The following EXOC6B variants were observed in gnomAD, a reference collection of about 807,000 sequenced individuals.
EXOC6B encodes the protein SEC15 homolog B.
EXOC6B carries 54 observed loss-of-function variants against 113.5 expected under a neutral mutation model. That is an observed-to-expected ratio of 0.48 (90% CI 0.38 to 0.60). The LOEUF (loss-of-function observed/expected upper bound fraction) is 0.60. Among genes scored for constraint, EXOC6B ranks in the 20% least tolerant of loss-of-function variants. EXOC6B has a pLI of 0.00. For synonymous variants in EXOC6B, 357 were observed against 339.0 expected, an observed-to-expected ratio of 1.05 and a Z score of -0.58; for missense variants, 797 against 977.5, an observed-to-expected ratio of 0.82 and a Z score of 2.46.
At chr2:72,641,191 G>T (rs1438920421) in intron 6 of EXOC6B, among the ~76,000 whole-genome samples, 1 of 152,210 alleles carries the variant, frequency 6.6e-6, no homozygotes, top group Non-Finnish European at 1.5e-5. Flanking sequence ...TGAGGTACCT[G>T]GTTCATCTAA....
chr2:72,183,384 C>T (rs184955119), intron 21 of EXOC6B, among the ~76,000 whole-genome samples: 1 of 152,332 alleles, frequency 6.6e-6, no homozygotes, highest in African/African-American at 2.4e-5. Flanking sequence ...TTCCCAGCTT[C>T]TGGGTGACAT....
intron 6 of EXOC6B, among the ~76,000 whole-genome samples, chr2:72,698,107 T>G (rs1678021965): frequency 6.6e-6 from 1 of 152,148 alleles, no homozygotes; most frequent in South Asian, 2.1e-4. Context: ...ACCTTGGGCA[T>G]GTCAAGTGCA....
chr2:72,624,713 T>C (rs1671944927), intron 6 of EXOC6B, among the ~76,000 whole-genome samples: 1 of 152,134 alleles, frequency 6.6e-6, no homozygotes, highest in South Asian at 2.1e-4. Context: ...ACCACTGCAC[T>C]CCAGCGTAGA....
At chr2:72,641,318 C>A (rs902555951) in intron 6 of EXOC6B, among the ~76,000 whole-genome samples, 1 of 152,208 alleles carries the variant, frequency 6.6e-6, no homozygotes, top group South Asian at 2.1e-4. Flanking sequence ...CCAAGGGAAG[C>A]CGTGACAGAC....
At chr2:72,639,255 G>A (rs1339860238) in intron 6 of EXOC6B, among the ~76,000 whole-genome samples, 1 of 152,072 alleles carries the variant, frequency 6.6e-6, no homozygotes, top group Non-Finnish European at 1.5e-5. Flanking sequence ...CCCCACTAGT[G>A]CCCCATCCTT....
chr2:72,691,715 C>T (rs559573234), intron 6 of EXOC6B, among the ~76,000 whole-genome samples: 63 of 150,062 alleles, frequency 4.2e-4, no homozygotes, highest in African/African-American at 1.5e-3. Flanking sequence ...GAGTTTCGCC[C>T]TTGTCGCCCA....
chr2:72,663,108 T>C (rs1327215104), intron 6 of EXOC6B, among the ~76,000 whole-genome samples: 1 of 152,110 alleles, frequency 6.6e-6, no homozygotes, highest in Admixed American at 6.6e-5. Context: ...TAGAAACATA[T>C]TAACTGGAAA....
chr2:72,498,351 T>C, intron 13 of EXOC6B, 103 bp downstream of exon 13: 2 of 697,140 alleles, frequency 2.9e-6, no homozygotes, highest in Non-Finnish European at 4.7e-6. Context: ...ATAAGTAACA[T>C]ATACTTGTTG....
intron 19 of EXOC6B, among the ~76,000 whole-genome samples, chr2:72,373,186 A>G (rs1241124428): frequency 2.0e-5 from 3 of 150,816 alleles, no homozygotes; most frequent in Non-Finnish European, 2.9e-5. Flanking sequence ...CTCCTGCCTC[A>G]GCCTCTCGAG....
intron 8 of EXOC6B, among the ~76,000 whole-genome samples, chr2:72,521,519 C>T (rs1426778673): frequency 6.6e-6 from 1 of 152,134 alleles, no homozygotes; most frequent in African/African-American, 2.4e-5. Context: ...AAACACATCA[C>T]CTAACAGCTA....
intron 20 of EXOC6B, among the ~76,000 whole-genome samples, chr2:72,261,204 G>C (rs1476217314): frequency 6.6e-6 from 1 of 151,940 alleles, no homozygotes; most frequent in Non-Finnish European, 1.5e-5. Context: ...CTAAGAAGAA[G>C]GAAAAAAAAG....
rs113671799 is a variant in EXOC6B at position 72,571,820 on chromosome 2, T to C, written c.846+3672A>G. ...ATGTATTAACTGTCTATTTACCATG[T>C]GTAGATCCATGTTCTAGGTGTTTAG... On this transcript the variant is annotated intron_variant, in intron 7 of 21. Transcript: ENST00000272427. 5.2e-3 allele frequency among the ~76,000 whole-genome samples: 799 copies of C among 152,306 alleles called. 14 individuals carry two copies. The highest frequency in any genetic ancestry group is 0.018 in the African/African-American group (736 of 41,562).
At chr2:72,419,376 C>G (rs189079251) in intron 18 of EXOC6B, among the ~76,000 whole-genome samples, 2 of 152,114 alleles carry the variant, frequency 1.3e-5, no homozygotes, top group Non-Finnish European at 1.5e-5. Context: ...TAATGGCCCA[C>G]GTATTTACTG....
chr2:72,767,346 G>A (rs901866158), intron 1 of EXOC6B, among the ~76,000 whole-genome samples: 1 of 151,916 alleles, frequency 6.6e-6, no homozygotes, highest in Admixed American at 6.6e-5. Flanking sequence ...CAGGAGAATC[G>A]CTTGAAACCG....
intron 19 of EXOC6B, among the ~76,000 whole-genome samples, chr2:72,337,950 G>A (rs1688786501): frequency 6.6e-6 from 1 of 152,048 alleles, no homozygotes; most frequent in Non-Finnish European, 1.5e-5. Flanking sequence ...GATTCATTGG[G>A]CACATGTACT....
Position 72,225,518 on chromosome 2 carries a change from G to A in EXOC6B, c.2197-41331C>T, listed in dbSNP as rs984980626. ...TGGCCCTAGAGGACAGGGAGGATCCGAGGCTTGGGTTTACAAGCCTACGTG... is the reference window on the plus strand; with the variant it reads ...TGGCCCTAGAGGACAGGGAGGATCCAAGGCTTGGGTTTACAAGCCTACGTG... On this transcript the variant is annotated intron_variant, in intron 20 of 21. Coordinates refer to ENST00000272427, the MANE Select transcript of EXOC6B (RefSeq NM_015189.3). Among the ~76,000 whole-genome samples, 53 of 152,148 alleles carry A rather than the reference G, an allele frequency of 3.5e-4. 2 individuals carry two copies. Among genetic ancestry groups the A allele is most frequent in the Non-Finnish European group, 7.3e-5 (5 of 68,032 alleles).
intron 6 of EXOC6B, among the ~76,000 whole-genome samples, chr2:72,657,136 C>T (rs992186767): frequency 6.6e-6 from 1 of 152,150 alleles, no homozygotes; most frequent in South Asian, 2.1e-4. Context: ...CAGGTGTGAG[C>T]CACCGTGCCT....
chr2:72,196,154 C>A (rs1438155586), intron 20 of EXOC6B, among the ~76,000 whole-genome samples: 1 of 152,122 alleles, frequency 6.6e-6, no homozygotes, highest in Admixed American at 6.6e-5. Flanking sequence ...TGATAACCTG[C>A]AGGAAAAACT....
intron 20 of EXOC6B, among the ~76,000 whole-genome samples, chr2:72,310,560 A>G (rs1381852852): frequency 6.6e-6 from 1 of 152,100 alleles, no homozygotes; most frequent in Non-Finnish European, 1.5e-5. Context: ...ATGATGTACA[A>G]AGATTATTTC....
Sources: gnomAD v4.1 joint callset for allele counts (sites outside exome capture counted in the v4.1 genomes callset) on GRCh38, gnomAD v4.1.1 for gene constraint, MANE v1.5 for transcripts, NCBI Gene and HGNC (gene_info 2026-07-23, HGNC 2026-07-21) for gene names.